The following DOCK3 variants were observed in gnomAD, a reference collection of about 807,000 sequenced individuals.
DOCK3 encodes the protein dedicator of cytokinesis protein 3.
A neutral mutation model predicts 265.6 loss-of-function variants in DOCK3; 60 were observed. That is an observed-to-expected ratio of 0.23 (90% confidence interval 0.18 to 0.28). The LOEUF (loss-of-function observed/expected upper bound fraction) is 0.28, where lower values mean the gene tolerates loss of function less well. Among genes scored for constraint, DOCK3 ranks in the 10% least tolerant of loss-of-function variants. DOCK3 has a pLI of 1.00. For synonymous variants in DOCK3, 881 were observed against 938.0 expected, an observed-to-expected ratio of 0.94 and a Z score of 1.11; for missense variants, 1,981 against 2,594.3, an observed-to-expected ratio of 0.76 and a Z score of 5.14.
chr3:51,213,099 T>G (rs1036387167), intron 13 of DOCK3, among the ~76,000 whole-genome samples: 2 of 152,062 alleles, frequency 1.3e-5, no homozygotes, highest in African/African-American at 4.8e-5. Context: ...TAGACCATTC[T>G]TATTTTACAA....
intron 9 of DOCK3, among the ~76,000 whole-genome samples, chr3:51,099,332 G>A (rs750611709): frequency 6.6e-6 from 1 of 152,158 alleles, no homozygotes; most frequent in Non-Finnish European, 1.5e-5. Context: ...AGAAACTGCT[G>A]TTCTGTATAT....
chr3:51,182,542 A>T (rs1192661332), intron 12 of DOCK3, among the ~76,000 whole-genome samples: 5 of 152,214 alleles, frequency 3.3e-5, no homozygotes, highest in Non-Finnish European at 7.3e-5. Flanking sequence ...CTTTGCCTCT[A>T]GCTGCTGCTT....
chr3:51,059,339 A>G (rs1285857685), intron 5 of DOCK3, among the ~76,000 whole-genome samples: 1 of 152,052 alleles, frequency 6.6e-6, no homozygotes, highest in East Asian at 1.9e-4. Context: ...TTAGGATTTC[A>G]ATGTATGAAT....
chr3:50,889,398 A>G (rs2048529594), intron 3 of DOCK3, among the ~76,000 whole-genome samples: 1 of 151,674 alleles, frequency 6.6e-6, no homozygotes, highest in African/African-American at 2.4e-5. Flanking sequence ...TTCATGTTTT[A>G]TTTAAAGAGC....
chr3:51,027,696 C>T (rs1291818167), intron 5 of DOCK3, among the ~76,000 whole-genome samples: 1 of 151,940 alleles, frequency 6.6e-6, no homozygotes, highest in African/African-American at 2.4e-5. Context: ...ATGTAATGCC[C>T]TTCTTTGTCC....
intron 1 of DOCK3, among the ~76,000 whole-genome samples, chr3:50,757,851 C>G (rs1376075342): frequency 6.6e-6 from 1 of 151,958 alleles, no homozygotes; most frequent in African/African-American, 2.4e-5. Flanking sequence ...GATTCTTTCT[C>G]CTGTTGAATT....
intron 3 of DOCK3, among the ~76,000 whole-genome samples, chr3:50,878,448 G>A (rs1315523526): frequency 6.6e-6 from 1 of 152,206 alleles, no homozygotes; most frequent in East Asian, 1.9e-4. Context: ...ACCTGATGGA[G>A]CTGAAAACCA....
Position 50,675,935 on chromosome 3 carries a change from C to CT in DOCK3, c.37+642dup, listed in dbSNP as rs896877279. Among the ~76,000 whole-genome samples, 4 of 151,612 alleles carry CT rather than the reference C, an allele frequency of 2.6e-5. No individual in the cohort carries two copies. Among genetic ancestry groups the CT allele is most frequent in the African/African-American group, 9.7e-5 (4 of 41,230 alleles). ...ATGAGACCTTATTCCTCTTAGAAAC[C>CT]TTTTTTTAATGTTGTAAGTGTTAAA... On this transcript the variant is annotated intron_variant, in intron 1 of 52. Transcript: ENST00000266037. This position sits in a 1 kb window ranked among gnomAD's most constrained non-coding sequence, Gnocchi z 6.1.
intron 9 of DOCK3, among the ~76,000 whole-genome samples, chr3:51,117,716 C>G (rs917698023): frequency 2.0e-5 from 3 of 152,110 alleles, no homozygotes; most frequent in Non-Finnish European, 4.4e-5. Flanking sequence ...AGGAATTTAT[C>G]CATTTCTTCT....
At chr3:51,339,923 G>A (rs571943801) in intron 37 of DOCK3, among the ~76,000 whole-genome samples, 11 of 152,172 alleles carry the variant, frequency 7.2e-5, no homozygotes, top group Admixed American at 4.6e-4. Flanking sequence ...ATCTCTAGCC[G>A]TTAGAGAGTG....
At chr3:51,304,512 G>A (rs1425974635) in intron 27 of DOCK3, among the ~76,000 whole-genome samples, 2 of 152,196 alleles carry the variant, frequency 1.3e-5, no homozygotes, top group African/African-American at 4.8e-5. Flanking sequence ...CCCTCACTTG[G>A]GGGGAACTCA....
intron 2 of DOCK3, among the ~76,000 whole-genome samples, chr3:50,840,999 AC>A (rs2045795175): frequency 6.6e-6 from 1 of 152,178 alleles, no homozygotes; most frequent in Non-Finnish European, 1.5e-5. Context: ...TTCTTTAAAT[AC>A]AACTCTTGGC....
chr3:50,912,234 A>G (rs965413470), intron 4 of DOCK3, among the ~76,000 whole-genome samples: 7 of 152,104 alleles, frequency 4.6e-5, no homozygotes, highest in African/African-American at 1.4e-4. Flanking sequence ...ACGATCCAGA[A>G]GTATTCTCTG....
intron 20 of DOCK3, 34 bp downstream of exon 20, chr3:51,236,462 A>C: frequency 6.4e-7 from 1 of 1,561,488 alleles, no homozygotes; most frequent in Non-Finnish European, 8.7e-7. Context: ...ACTTTTATTA[A>C]TTATTCCTGT....
intron 5 of DOCK3, among the ~76,000 whole-genome samples, chr3:50,956,298 T>C (rs1021192667): frequency 5.3e-5 from 8 of 152,216 alleles, no homozygotes; most frequent in African/African-American, 1.9e-4. Context: ...GTGGACCAGT[T>C]GTTAGAAGCA....
chr3:51,012,850 T>G (rs2079006960), intron 5 of DOCK3, among the ~76,000 whole-genome samples: 1 of 152,196 alleles, frequency 6.6e-6, no homozygotes, highest in Non-Finnish European at 1.5e-5. Context: ...CGTTTCCTTT[T>G]AGTCTTTTTT....
chr3:51,123,494 A>G (rs2084127721), intron 9 of DOCK3, among the ~76,000 whole-genome samples: 2 of 152,222 alleles, frequency 1.3e-5, no homozygotes, highest in Admixed American at 1.3e-4. Context: ...AGTCATGGCT[A>G]AGACTTATGA....
chr3:50,735,746 T>A (rs1190904859), intron 1 of DOCK3, among the ~76,000 whole-genome samples: 1 of 152,322 alleles, frequency 6.6e-6, no homozygotes, highest in African/African-American at 2.4e-5. Flanking sequence ...GTTCTTGCAC[T>A]GCTATAAAGA....
intron 1 of DOCK3, among the ~76,000 whole-genome samples, chr3:50,730,086 A>G (rs1382159084): frequency 6.6e-6 from 1 of 151,918 alleles, no homozygotes; most frequent in East Asian, 1.9e-4. Context: ...TTGTGAATTA[A>G]TTCTATGACA....
Sources: allele counts gnomAD v4.1 joint callset (sites outside exome capture counted in the v4.1 genomes callset), GRCh38; gene constraint gnomAD v4.1.1; non-coding constraint Gnocchi (gnomAD v3.1); transcripts MANE v1.5; gene names NCBI Gene and HGNC (gene_info 2026-07-23, HGNC 2026-07-21).